The following FAR2 variants were observed in gnomAD, a reference collection of about 807,000 sequenced individuals.
FAR2 encodes the protein epididymis secretory protein Li 81.
FAR2 carries 19 observed loss-of-function variants against 56.0 expected under a neutral mutation model. That is an observed-to-expected ratio of 0.34 (90% CI 0.24 to 0.50). FAR2 has a LOEUF of 0.50. Ranked by LOEUF, FAR2 falls within the 20% of genes least tolerant of loss-of-function variation. The pLI, the probability that FAR2 is intolerant of heterozygous loss-of-function variation, is 0.98. For missense variants in FAR2, 508 were observed against 642.2 expected (o/e 0.79, Z 2.26); for synonymous variants, 219 against 218.8 (o/e 1.00, Z -0.01).
At chr12:29,327,763 T>A (rs1478420746) in intron 10 of FAR2, among the ~76,000 whole-genome samples, 1 of 152,136 alleles carries the variant, frequency 6.6e-6, no homozygotes. Flanking sequence ...TCAAGATGGA[T>A]TAAAGACTTA....
In FAR2 at chr12:29,246,232, A is replaced by G. The variant is rs551419776; in HGVS notation, c.-38-24180A>G. Among the ~76,000 whole-genome samples, 22 of 152,204 alleles carry G rather than the reference A, an allele frequency of 1.4e-4. 1 individual carries two copies. In the South Asian group the frequency reaches 4.4e-3, roughly 30 times the overall value. On this transcript the variant is annotated intron_variant, in intron 1 of 11. Coordinates refer to ENST00000536681, the MANE Select transcript of FAR2 (RefSeq NM_001271783.2). The stretch of plus-strand genomic sequence containing the variant: ...TTCTATTATCTGTGCATGCATTTGC[A>G]CTATATTTTTAAACATCATTTAAAA...
intron 9 of FAR2, among the ~76,000 whole-genome samples, chr12:29,317,541 C>T (rs1949472635): frequency 6.6e-6 from 1 of 152,104 alleles, no homozygotes; most frequent in African/African-American, 2.4e-5. Flanking sequence ...CCACAAAAGA[C>T]ATTAAAAATG....
intron 2 of FAR2, among the ~76,000 whole-genome samples, chr12:29,272,686 T>C (rs994237386): frequency 1.3e-5 from 2 of 152,192 alleles, no homozygotes; most frequent in African/African-American, 4.8e-5. Flanking sequence ...GGAGAGATGT[T>C]GTGATCATTT....
chr12:29,233,401 C>T (rs532076941), intron 1 of FAR2, among the ~76,000 whole-genome samples: 3 of 152,212 alleles, frequency 2.0e-5, no homozygotes, highest in African/African-American at 7.2e-5. Context: ...CTATCCTCCT[C>T]AAGCCCTCTA....
intron 1 of FAR2, among the ~76,000 whole-genome samples, chr12:29,254,359 T>A (rs79285293): frequency 0.027 from 4,088 of 152,312 alleles, 77 homozygotes; most frequent in Non-Finnish European, 0.041. Context: ...GATATGTGAC[T>A]GATATACAAT....
intron 1 of FAR2, among the ~76,000 whole-genome samples, chr12:29,176,342 A>G (rs932094311): frequency 2.0e-5 from 3 of 152,236 alleles, no homozygotes; most frequent in African/African-American, 4.8e-5. Flanking sequence ...CTGGCCTGTC[A>G]TGAAGCTCTG....
intron 1 of FAR2, among the ~76,000 whole-genome samples, chr12:29,261,679 A>G (rs1279084776): frequency 6.6e-6 from 1 of 152,258 alleles, no homozygotes; most frequent in Non-Finnish European, 1.5e-5. Flanking sequence ...AAGAGAAAAG[A>G]AACAAACAAC....
chr12:29,226,459 A>G (rs1176284590), intron 1 of FAR2, among the ~76,000 whole-genome samples: 1 of 152,198 alleles, frequency 6.6e-6, no homozygotes, highest in African/African-American at 2.4e-5. Context: ...AAGTACCTCT[A>G]AGCAGTTAAA....
At position 29,154,422 on chromosome 12, in the gene FAR2, TTTTGTTTTG is replaced by T. The variant is rs1185531546; in HGVS notation, c.-39+5019_-39+5027del. ...GTTGTGGTTTTGTTTTTGTTTTTTT[TTTTGTTTTG>T]TTTTGTTTTGTTTTGTTTTTTGAGA... On this transcript the variant is annotated intron_variant, in intron 1 of 11. Transcript: ENST00000536681. Among the ~76,000 whole-genome samples, 286 of 109,110 alleles carry T rather than the reference TTTTGTTTTG, an allele frequency of 2.6e-3. 2 individuals are homozygous for T. Among genetic ancestry groups the T allele is most frequent in the South Asian group, 0.024 (100 of 4,082 alleles). The allele number at this position is 109,110 out of a possible 152,430, so 71.6% of individuals were successfully genotyped here. A position where few individuals can be genotyped will look rare whatever the true frequency, so the allele number is the denominator to read the frequency against.
intron 1 of FAR2, among the ~76,000 whole-genome samples, chr12:29,259,151 G>T (rs1948376187): frequency 1.3e-5 from 2 of 152,188 alleles, no homozygotes; most frequent in African/African-American, 4.8e-5. Flanking sequence ...ATGGTTCATT[G>T]ACAGAAGGAA....
intron 8 of FAR2, among the ~76,000 whole-genome samples, chr12:29,312,747 T>A (rs1295718939): frequency 1.3e-5 from 2 of 152,180 alleles, no homozygotes; most frequent in East Asian, 3.9e-4. Flanking sequence ...TTGGCTATTC[T>A]GTAGGATTTC....
intron 1 of FAR2, among the ~76,000 whole-genome samples, chr12:29,177,175 GA>G (rs1181470414): frequency 2.0e-5 from 3 of 152,214 alleles, no homozygotes; most frequent in African/African-American, 7.2e-5. Flanking sequence ...AAATCTTTTA[GA>G]GATGATATTT....
At chr12:29,322,455 C>T (rs1949568087) in intron 10 of FAR2, among the ~76,000 whole-genome samples, 1 of 152,194 alleles carries the variant, frequency 6.6e-6, no homozygotes, top group African/African-American at 2.4e-5. Flanking sequence ...GCTGCATCGT[C>T]GATCTCCCTC....
chr12:29,249,555 G>T (rs1282170825), intron 1 of FAR2, among the ~76,000 whole-genome samples: 2 of 152,146 alleles, frequency 1.3e-5, no homozygotes, highest in Non-Finnish European at 2.9e-5. Flanking sequence ...ATTGTTATGT[G>T]TGACATCTGT....
chr12:29,331,542 CTCTT>C (rs1949732754), intron 10 of FAR2: 2 of 152,118 alleles, frequency 1.3e-5, no homozygotes, highest in Admixed American at 1.3e-4. Context: ...CTTCTTGACA[CTCTT>C]TCTACTAACA....
intron 1 of FAR2, among the ~76,000 whole-genome samples, chr12:29,230,875 T>C (rs1024554550): frequency 6.6e-5 from 10 of 152,198 alleles, no homozygotes; most frequent in African/African-American, 2.2e-4. Flanking sequence ...TTGAGTCAAG[T>C]AAAGTCAGAG....
intron 1 of FAR2, among the ~76,000 whole-genome samples, chr12:29,268,197 T>C (rs541426665): frequency 1.2e-4 from 18 of 152,280 alleles, no homozygotes; most frequent in African/African-American, 4.3e-4. Flanking sequence ...TTTTTTCTTC[T>C]TTATAAGCCC....
rs534284163 is a variant in FAR2, at chr12:29,206,941, C to T, written c.-39+57534C>T. On this transcript the variant is annotated intron_variant, in intron 1 of 11. Coordinates refer to ENST00000536681, the MANE Select transcript of FAR2 (RefSeq NM_001271783.2). ...AAATGCCAAATAGGATGCCACCAGC[C>T]GGGCACAGAAGAGGAGTGGGAATGT... Among the ~76,000 whole-genome samples the T allele has an allele frequency of 4.0e-4, 61 of 151,990 alleles. 1 individual carries two copies. The South Asian group carries it at 0.011, about 29-fold the overall frequency.
Position 29,311,047 on chromosome 12 carries a change from G to C in FAR2, c.788G>C (p.Arg263Pro). Residue 263 changes from arginine to proline, a missense_variant, in exon 7 of 12, where the codon CGG becomes CCG. Arg to Pro is a moderately radical substitution (Grantham distance 103, BLOSUM62 -2). Coordinates refer to ENST00000536681, the MANE Select transcript of FAR2 (RefSeq NM_001271783.2). ...ATGCAGACTGGGAAAGGGTTTCTTC[G>C]GGCCATAAAAGCTACTCCAATGGCT... ...IIIATGKGFLRAIKATPMAVA... is the reference protein window; with the variant it reads ...IIIATGKGFLPAIKATPMAVA... 6.2e-7 allele frequency: 1 copy of C among 1,613,064 alleles called. No individual in the cohort carries two copies. Among genetic ancestry groups the C allele is most frequent in the Non-Finnish European group, 8.5e-7 (1 of 1,179,298 alleles).
Sources: allele counts gnomAD v4.1 joint callset (sites outside exome capture counted in the v4.1 genomes callset), GRCh38; gene constraint gnomAD v4.1.1; transcripts MANE v1.5; gene names NCBI Gene and HGNC (gene_info 2026-07-23, HGNC 2026-07-21).